The following ANO2 variants were observed in gnomAD, a reference collection of about 807,000 sequenced individuals.
ANO2 encodes anoctamin-2.
Under a neutral mutation model 124.2 loss-of-function variants are expected in ANO2, and 101 were observed. The ratio of observed to expected loss-of-function variants is 0.81; its 90% CI spans 0.69 to 0.96. The LOEUF is 0.96. Ranked by LOEUF, ANO2 falls within the 40% of genes least tolerant of loss-of-function variation. The pLI is 0.00. For synonymous variants in ANO2, 486 were observed against 482.5 expected (o/e 1.01, Z -0.09); for missense variants, 1,293 against 1,274.5 (o/e 1.01, Z -0.22).
intron 4 of ANO2, among the ~76,000 whole-genome samples, chr12:5,842,341 G>A (rs527997504): frequency 6.6e-6 from 1 of 152,100 alleles, no homozygotes; most frequent in Non-Finnish European, 1.5e-5. Context: ...AGGGGTGGAT[G>A]GAAAACGTAA....
chr12:5,912,306 G>A (rs1398780932), intron 3 of ANO2, among the ~76,000 whole-genome samples: 2 of 152,094 alleles, frequency 1.3e-5, no homozygotes, highest in South Asian at 2.1e-4. Flanking sequence ...AGAACAAGAG[G>A]AGCAGAAGCA....
At chr12:5,608,296 G>A (rs564507191) in intron 19 of ANO2, among the ~76,000 whole-genome samples, 10 of 150,230 alleles carry the variant, frequency 6.7e-5, no homozygotes, top group Admixed American at 6.7e-5. Flanking sequence ...TAGTGATCTC[G>A]TATGACCAAA....
intron 16 of ANO2, among the ~76,000 whole-genome samples, chr12:5,627,244 C>T (rs1398677243): frequency 6.6e-6 from 1 of 152,180 alleles, no homozygotes; most frequent in African/African-American, 2.4e-5. Flanking sequence ...GGTCCCCCAA[C>T]AAGCATAGAA....
intron 14 of ANO2, among the ~76,000 whole-genome samples, chr12:5,731,899 T>C (rs1192372148): frequency 1.3e-5 from 2 of 152,194 alleles, no homozygotes; most frequent in Admixed American, 1.3e-4. Flanking sequence ...CTGCAGGCCC[T>C]AAGAGCCATT....
At chr12:5,691,710 C>T (rs1169728934) in intron 14 of ANO2, among the ~76,000 whole-genome samples, 1 of 151,998 alleles carries the variant, frequency 6.6e-6, no homozygotes, top group African/African-American at 2.4e-5. Context: ...TCAAGACCAG[C>T]CTGGGCAACA....
At chr12:5,932,308 C>T (rs1381933050) in intron 1 of ANO2, among the ~76,000 whole-genome samples, 18 of 143,630 alleles carry the variant, frequency 1.3e-4, no homozygotes, top group African/African-American at 2.8e-4. Flanking sequence ...AGAAGGCAGA[C>T]GAGTGAGGAA....
chr12:5,861,433 T>C (rs550915503), intron 3 of ANO2, among the ~76,000 whole-genome samples: 1 of 152,194 alleles, frequency 6.6e-6, no homozygotes, highest in African/African-American at 2.4e-5. Flanking sequence ...GTTATCCTCA[T>C]TGTTTTTGTC....
At chr12:5,643,733 T>G (rs1206572102) in intron 15 of ANO2, among the ~76,000 whole-genome samples, 1 of 152,232 alleles carries the variant, frequency 6.6e-6, no homozygotes, top group East Asian at 1.9e-4. Context: ...GACAGACTTT[T>G]GGGCATATAT....
At chr12:5,799,256 A>G (rs557563745) in intron 10 of ANO2, among the ~76,000 whole-genome samples, 1 of 152,322 alleles carries the variant, frequency 6.6e-6, no homozygotes, top group African/African-American at 2.4e-5. Context: ...GAAAGAGACC[A>G]ATGTTGAAGA....
chr12:5,752,536 C>G (rs1195686932), intron 10 of ANO2, among the ~76,000 whole-genome samples: 1 of 152,096 alleles, frequency 6.6e-6, no homozygotes, highest in African/African-American at 2.4e-5. Flanking sequence ...AGGTCCTTTA[C>G]TTAATTTTTT....
intron 14 of ANO2, among the ~76,000 whole-genome samples, chr12:5,677,204 C>G (rs1262673898): frequency 6.6e-6 from 1 of 152,046 alleles, no homozygotes; most frequent in African/African-American, 2.4e-5. Flanking sequence ...CTGGGGAGGC[C>G]TTTGGCACCC....
Position 5,885,400 on chromosome 12 carries a change from C to G in ANO2, c.535-31259G>C, listed in dbSNP as rs575085373. ...CTTACTGTCCAGTGACCAAAGCTGG[C>G]CAAAGAAAGGTGGCTGCAAGAATAA... is the stretch of plus-strand genomic sequence containing the variant. On this transcript the variant is annotated intron_variant, in intron 3 of 24. Transcript: ENST00000682330. Among the ~76,000 whole-genome samples the G allele has an allele frequency of 7.9e-5, 12 of 152,288 alleles. No individual in the cohort carries two copies. In the South Asian group the frequency reaches 2.5e-3, roughly 32 times the overall value.
At chr12:5,587,951 CCCTCCGTTG>C (rs1943202166) in intron 20 of ANO2, among the ~76,000 whole-genome samples, 1 of 152,248 alleles carries the variant, frequency 6.6e-6, no homozygotes, top group Non-Finnish European at 1.5e-5. Flanking sequence ...CCTGCTGCCT[CCCTCCGTTG>C]AGGACCTGCC....
At chr12:5,699,550 C>G (rs967330383) in intron 14 of ANO2, among the ~76,000 whole-genome samples, 2 of 151,320 alleles carry the variant, frequency 1.3e-5, no homozygotes, top group South Asian at 4.2e-4. Flanking sequence ...AGCAAAATAA[C>G]CAGCTAACAT....
chr12:5,852,070 T>C (rs929091308), intron 4 of ANO2: 6 of 693,650 alleles, frequency 8.6e-6, no homozygotes, highest in African/African-American at 1.8e-5. Context: ...GAGAATAATA[T>C]ATTGGAGTTA....
At chr12:5,593,463 T>C (rs1043790882) in intron 20 of ANO2, among the ~76,000 whole-genome samples, 2 of 152,034 alleles carry the variant, frequency 1.3e-5, no homozygotes, top group African/African-American at 2.4e-5. Flanking sequence ...CATCTTGGAG[T>C]GTTTAGAGCT....
chr12:5,563,659 T>C, intron 24 of ANO2, 91 bp from the exon 25 acceptor site: 1 of 1,517,000 alleles, frequency 6.6e-7, no homozygotes, highest in Non-Finnish European at 8.9e-7. Context: ...GTGTCAATCC[T>C]GGCTTTGCAA....
chr12:5,676,289 A>G (rs748400528), intron 14 of ANO2, among the ~76,000 whole-genome samples: 1 of 152,244 alleles, frequency 6.6e-6, no homozygotes, highest in African/African-American at 2.4e-5. Context: ...ACACTCAGCC[A>G]TGGCTTAGAT....
chr12:5,940,403 G>A lies in ANO2; in HGVS notation c.22+4793C>T, dbSNP rs192048356. Among the ~76,000 whole-genome samples the A allele has an allele frequency of 5.3e-5, 8 of 152,278 alleles. No individual in the cohort carries two copies. The East Asian group carries it at 5.8e-4, about 11-fold the overall frequency. ...TTCTCTAACGTATGTTTTAGAAGTC[G>A]AAGAGCCACACAGAAGCCGTCCAAG... On this transcript the variant is annotated intron_variant, in intron 1 of 24. Coordinates refer to ENST00000682330, the MANE Select transcript of ANO2 (RefSeq NM_001364791.2).
Sources: gnomAD v4.1 joint callset for allele counts (sites outside exome capture counted in the v4.1 genomes callset) on GRCh38, gnomAD v4.1.1 for gene constraint, MANE v1.5 for transcripts, NCBI Gene and HGNC (gene_info 2026-07-23, HGNC 2026-07-21) for gene names.